Variants in PFKFB2 observed in about 807,000 individuals in gnomAD.
PFKFB2 encodes 6-phosphofructo-2-kinase/fructose-2,6-bisphosphatase 2.
In PFKFB2, 53 loss-of-function variants were observed where a neutral mutation model predicts 68.0. That is an observed-to-expected ratio of 0.78 (90% CI 0.63 to 0.98). PFKFB2 has a LOEUF of 0.98. PFKFB2 is among the 50% of genes least tolerant of loss of function. The pLI is 0.00. For synonymous variants in PFKFB2, 222 were observed against 227.6 expected (o/e 0.98, Z 0.22); for missense variants, 451 against 642.0 (o/e 0.70, Z 3.22).
intron 1 of PFKFB2, among the ~76,000 whole-genome samples, chr1:207,038,243 C>A (rs1682416049): frequency 6.6e-6 from 1 of 152,166 alleles, no homozygotes; most frequent in Admixed American, 6.5e-5. Flanking sequence ...GTAGATCCAG[C>A]CCCTTATTAG....
chr1:207,038,511 A>G (rs149134237), intron 1 of PFKFB2, among the ~76,000 whole-genome samples: 6 of 152,342 alleles, frequency 3.9e-5, no homozygotes, highest in African/African-American at 1.4e-4. Context: ...CTTCTGCAAC[A>G]TCATGTTTGC....
intron 2 of PFKFB2, chr1:207,046,825 T>C (rs1682609446): frequency 6.6e-6 from 1 of 152,176 alleles, no homozygotes; most frequent in African/African-American, 2.4e-5. Context: ...TGTTGGAACA[T>C]ATCAAAACAT....
chr1:207,068,750 CT>C (rs535759053), intron 10 of PFKFB2, among the ~76,000 whole-genome samples: 294 of 145,078 alleles, frequency 2.0e-3, no homozygotes, highest in Non-Finnish European at 2.2e-3. Context: ...ACATTTCTTT[CT>C]TTTTTTTTTT....
intron 2 of PFKFB2, chr1:207,045,097 C>T (rs987420795): frequency 3.3e-5 from 5 of 152,406 alleles, no homozygotes; most frequent in Admixed American, 1.3e-4. Flanking sequence ...AAGTGTTTCA[C>T]TTTGGACTTA....
Position 207,072,454 on chromosome 1 carries a change from A to G in PFKFB2, c.*83A>G. On this transcript the variant is annotated 3_prime_UTR_variant, in exon 15 of 15. Coordinates refer to ENST00000367080, the MANE Select transcript of PFKFB2 (RefSeq NM_006212.2). Reference sequence around the variant, plus strand: ...CCTCCTGCCCTTGTCACTAATCACCAAGGAGTCATTAACTTCCTCCCTCTA... The same window carrying G: ...CCTCCTGCCCTTGTCACTAATCACCGAGGAGTCATTAACTTCCTCCCTCTA... 1 of 1,531,568 alleles carries G rather than the reference A, an allele frequency of 6.5e-7. No homozygotes were observed. The highest frequency in any genetic ancestry group is 8.8e-7 in the Non-Finnish European group (1 of 1,142,642). 94.9% of individuals were successfully genotyped at this position (1,531,568 alleles called of 1,614,324 possible). A position where few individuals can be genotyped will look rare whatever the true frequency, so the allele number is the denominator to read the frequency against.
At chr1:207,062,431 T>A in intron 3 of PFKFB2, 189 bp from the exon 4 acceptor site, 1 of 838,592 alleles carries the variant, frequency 1.2e-6, no homozygotes. Flanking sequence ...GCTTAAGACT[T>A]GTCCAAGGTC....
rs994510850 is a variant in PFKFB2 at position 207,043,703 on chromosome 1, T to G, written c.-18+1491T>G. On this transcript the variant is annotated intron_variant, in intron 2 of 5. Transcript: ENST00000545806. ...GAGAAATACCTTAGTTTCTCCTGTCTCATTCATTGAGTCCGCCTAAAGGGT... is the reference window on the plus strand; with the variant it reads ...GAGAAATACCTTAGTTTCTCCTGTCGCATTCATTGAGTCCGCCTAAAGGGT... 3.3e-5 allele frequency: 5 copies of G among 152,780 alleles called. No individual in the cohort carries two copies. The East Asian group carries it at 5.8e-4, about 18-fold the overall frequency. The allele number at this position is 152,780 out of a possible 1,614,324, so 9.5% of individuals were successfully genotyped here.
intron 8 of PFKFB2, among the ~76,000 whole-genome samples, chr1:207,066,388 T>A (rs563468071): frequency 6.6e-6 from 1 of 152,370 alleles, no homozygotes; most frequent in African/African-American, 2.4e-5. Flanking sequence ...GCACACTTAA[T>A]ACAGTGGTCT....
upstream of PFKFB2, chr1:207,052,377 G>A (rs1572712803): frequency 3.0e-6 from 2 of 670,550 alleles, no homozygotes; most frequent in East Asian, 5.5e-5. Context: ...AGTCCACCGG[G>A]GTGGCCGGGC....
At chr1:207,069,616 G>T in intron 11 of PFKFB2, 88 bp downstream of exon 11, 1 of 873,242 alleles carries the variant, frequency 1.1e-6, no homozygotes. Context: ...ATGTGATTTG[G>T]AGGGTCTAGG....
chr1:207,077,166 G>C lies in PFKFB2; in HGVS notation c.*4795G>C, dbSNP rs1683650408. The C allele has an allele frequency of 2.0e-6, 2 of 984,976 alleles. No individual in the cohort carries two copies. Among genetic ancestry groups the C allele is most frequent in the Non-Finnish European group, 2.4e-6 (2 of 829,906 alleles). 61.0% of individuals were successfully genotyped at this position (984,976 alleles called of 1,614,324 possible). On this transcript the variant is annotated 3_prime_UTR_variant, in exon 15 of 15. Transcript: ENST00000367080. ...TCATCCAGTCCCCTGCTTTAGGGCA[G>C]GACTTCAGTTCCACTGTTCATTTCT... is the stretch of plus-strand genomic sequence containing the variant.
chr1:207,052,993 G>A (rs931930223), upstream of PFKFB2: 1 of 152,226 alleles, frequency 6.6e-6, no homozygotes, highest in African/African-American at 2.4e-5. Context: ...TCTCGCGAGA[G>A]TCAGAAAAAA....
intron 2 of PFKFB2, among the ~76,000 whole-genome samples, chr1:207,060,074 C>T (rs933154624): frequency 3.3e-5 from 5 of 152,146 alleles, no homozygotes; most frequent in South Asian, 2.1e-4. Flanking sequence ...TTTTTGGCCC[C>T]GGGACAGTGG....
chr1:207,078,984 C>T (rs192695946), downstream of PFKFB2: 167 of 1,612,258 alleles, frequency 1.0e-4, no homozygotes, highest in South Asian at 8.8e-4. Flanking sequence ...TGTGCGCAGA[C>T]GCCCCTCCGC....
Position 207,042,291 on chromosome 1 carries a change from G to C in PFKFB2, c.-18+79G>C, listed in dbSNP as rs964970512. 3 of 152,166 alleles carry C rather than the reference G, an allele frequency of 2.0e-5. No homozygotes were observed. The East Asian group carries it at 5.8e-4, about 29-fold the overall frequency. The allele number at this position is 152,166 out of a possible 1,614,324, so 9.4% of individuals were successfully genotyped here. Reference sequence around the variant, plus strand: ...CGGCCAGGCGCAGTGGCTCACGTCTGTAATTCCAGCACTTGGGGAGGCTGA... The same window carrying C: ...CGGCCAGGCGCAGTGGCTCACGTCTCTAATTCCAGCACTTGGGGAGGCTGA... On this transcript the variant is annotated intron_variant, in intron 2 of 5. Coordinates refer to the PFKFB2 transcript ENST00000545806.
intron 2 of PFKFB2, among the ~76,000 whole-genome samples, chr1:207,060,031 G>C (rs962054703): frequency 6.6e-6 from 1 of 152,184 alleles, no homozygotes; most frequent in African/African-American, 2.4e-5. Flanking sequence ...GGAGCCGGCA[G>C]AGCCTGAGCT....
intron 10 of PFKFB2, among the ~76,000 whole-genome samples, chr1:207,069,108 C>T (rs1683392569): frequency 6.6e-6 from 1 of 152,180 alleles, no homozygotes; most frequent in African/African-American, 2.4e-5. Flanking sequence ...CCAGTCCCTT[C>T]AGTTTCCCTC....
At chr1:207,036,026 G>C (rs1188729368) in intron 1 of PFKFB2, among the ~76,000 whole-genome samples, 1 of 152,088 alleles carries the variant, frequency 6.6e-6, no homozygotes, top group Non-Finnish European at 1.5e-5. Flanking sequence ...TACGGAAAAG[G>C]GGTTTGGCTG....
At position 207,077,575 on chromosome 1, in the gene PFKFB2, G is replaced by T. The variant is rs1683664249; in HGVS notation, c.*5204G>T. 3.0e-6 allele frequency: 3 copies of T among 985,692 alleles called. No homozygotes were observed. The highest frequency in any genetic ancestry group is 3.6e-6 in the Non-Finnish European group (3 of 829,942). 61.1% of individuals were successfully genotyped at this position (985,692 alleles called of 1,614,324 possible). On this transcript the variant is annotated 3_prime_UTR_variant, in exon 15 of 15. Transcript: ENST00000367080. ...GATGGTGTGGGGCTGAGCACCTCTG[G>T]GTTGAATGGGAATGGGTCAGATTGG... is the stretch of plus-strand genomic sequence containing the variant.
Sources: gnomAD v4.1 joint callset for allele counts (sites outside exome capture counted in the v4.1 genomes callset) on GRCh38, gnomAD v4.1.1 for gene constraint, MANE v1.5 for transcripts, NCBI Gene and HGNC (gene_info 2026-07-23, HGNC 2026-07-21) for gene names.